The following ANKS1A variants were observed in gnomAD, a reference collection of about 807,000 sequenced individuals.
The protein encoded by ANKS1A is ankyrin repeat and SAM domain-containing protein 1A.
ANKS1A carries 55 observed loss-of-function variants against 120.3 expected under a neutral mutation model. The observed-to-expected ratio is 0.46, with a 90% CI of 0.37 to 0.57. ANKS1A has a LOEUF of 0.57. Among genes scored for constraint, ANKS1A ranks in the 20% least tolerant of loss-of-function variants. The pLI, the probability that ANKS1A is intolerant of heterozygous loss-of-function variation, is 0.00. For missense variants in ANKS1A, 1,123 were observed against 1,480.3 expected (o/e 0.76, Z 3.96); for synonymous variants, 590 against 604.7 (o/e 0.98, Z 0.36).
intron 1 of ANKS1A, among the ~76,000 whole-genome samples, chr6:34,941,514 C>T (rs1342967092): frequency 1.3e-5 from 2 of 152,036 alleles, no homozygotes; most frequent in East Asian, 1.9e-4. Context: ...GCAATCCTCC[C>T]ACCTCGGCCT....
intron 11 of ANKS1A, among the ~76,000 whole-genome samples, chr6:35,045,806 G>C (rs1775693075): frequency 6.6e-6 from 1 of 152,212 alleles, no homozygotes; most frequent in Admixed American, 6.5e-5. Context: ...GTCAGCTAGT[G>C]CCTAGTGCAG....
At chr6:35,069,678 C>T (rs1252586684) in intron 13 of ANKS1A, among the ~76,000 whole-genome samples, 1 of 151,386 alleles carries the variant, frequency 6.6e-6, no homozygotes, top group Non-Finnish European at 1.5e-5. Context: ...ATAGCTGGAA[C>T]TACAGGTACA....
intron 13 of ANKS1A, among the ~76,000 whole-genome samples, chr6:35,068,741 C>G (rs959032462): frequency 6.6e-6 from 1 of 152,184 alleles, no homozygotes; most frequent in African/African-American, 2.4e-5. Flanking sequence ...ATAGCTCTGT[C>G]TCGTTTCTTC....
intron 16 of ANKS1A, 33 bp downstream of exon 16, chr6:35,079,961 T>A (rs778919975): frequency 1.3e-6 from 2 of 1,546,200 alleles, no homozygotes; most frequent in Non-Finnish European, 1.8e-6. Flanking sequence ...GGAATGTATG[T>A]TTGTTCCCTG....
chr6:35,018,190 A>C (rs1055809320), intron 11 of ANKS1A, 131 bp downstream of exon 11: 9 of 874,874 alleles, frequency 1.0e-5, no homozygotes, highest in Admixed American at 8.0e-5. Context: ...CTCCGTAACT[A>C]ATGTATTTCT....
intron 11 of ANKS1A, among the ~76,000 whole-genome samples, chr6:35,045,255 A>G (rs1775665335): frequency 6.6e-6 from 1 of 152,206 alleles, no homozygotes; most frequent in Non-Finnish European, 1.5e-5. Flanking sequence ...GCAGGGCTGC[A>G]CTCAGACCTC....
At position 35,060,145 on chromosome 6, in the gene ANKS1A, A is replaced by G; in HGVS notation, c.2078-2A>G. 6.2e-7 allele frequency: 1 copy of G among 1,612,496 alleles called. No individual in the cohort carries two copies. Among genetic ancestry groups the G allele is most frequent in the Non-Finnish European group, 8.5e-7 (1 of 1,179,248 alleles). On this transcript the variant is annotated splice_acceptor_variant, in intron 12 of 23. Transcript: ENST00000360359. LOFTEE classifies it high-confidence loss of function. The surrounding 1 kb of genome is among the most constrained non-coding windows in gnomAD (Gnocchi z 4.5). ...AGCGTCTGCCGATTCCTCTCTCATC[A>G]GGTTTACGGACGCTGGAGCAGAGTG...
At chr6:34,991,618 A>G (rs1225237109) in intron 9 of ANKS1A, among the ~76,000 whole-genome samples, 1 of 149,606 alleles carries the variant, frequency 6.7e-6, no homozygotes, top group African/African-American at 2.4e-5. Context: ...ATATACGTAT[A>G]TACACACACA....
chr6:34,992,683 G>A (rs1352658947), intron 9 of ANKS1A, among the ~76,000 whole-genome samples: 1 of 152,188 alleles, frequency 6.6e-6, no homozygotes, highest in East Asian at 1.9e-4. Context: ...CAAGAGGCAA[G>A]GAATAAGTAA....
intron 1 of ANKS1A, among the ~76,000 whole-genome samples, chr6:34,893,767 C>G (rs1455651675): frequency 1.3e-5 from 2 of 152,142 alleles, no homozygotes; most frequent in African/African-American, 4.8e-5. Flanking sequence ...TACCTCCCGG[C>G]TGTTTGAAGC....
Position 34,914,113 on chromosome 6 carries a change from G to A in ANKS1A, c.197+24514G>A, listed in dbSNP as rs540194788. On this transcript the variant is annotated intron_variant, in intron 1 of 23. Transcript: ENST00000360359. Reference sequence around the variant, plus strand: ...TGTTTTTGTATTTTTAGTAGAGACTGGGTTTCAACATGTTAGCCAGGATGG... The same window carrying A: ...TGTTTTTGTATTTTTAGTAGAGACTAGGTTTCAACATGTTAGCCAGGATGG... Among the ~76,000 whole-genome samples, 7 of 151,958 alleles carry A rather than the reference G, an allele frequency of 4.6e-5. No individual in the cohort carries two copies. The East Asian group carries it at 1.4e-3, about 30-fold the overall frequency.
In ANKS1A at chr6:35,089,984, G is replaced by A. The variant is rs1277523191; in HGVS notation, c.*1375G>A. ...GTGAATTTGAATTCTTTGTTGGTAT[G>A]TATGTGCAGGGAGTACTGTTAGGCA... On this transcript the variant is annotated 3_prime_UTR_variant, in exon 24 of 24. Transcript: ENST00000360359. 4.2e-6 allele frequency: 5 copies of A among 1,183,730 alleles called. No individual in the cohort carries two copies. Among genetic ancestry groups the A allele is most frequent in the Non-Finnish European group, 5.3e-6 (5 of 937,540 alleles). The allele number at this position is 1,183,730 out of a possible 1,614,324, so 73.3% of individuals were successfully genotyped here.
intron 11 of ANKS1A, chr6:35,038,331 C>G: frequency 2.2e-6 from 1 of 456,638 alleles, no homozygotes; most frequent in South Asian, 1.5e-5. Flanking sequence ...TGCATTCTTA[C>G]TGAGATAGTC....
intron 12 of ANKS1A, among the ~76,000 whole-genome samples, chr6:35,059,693 G>A (rs988916007): frequency 1.3e-5 from 2 of 152,214 alleles, no homozygotes; most frequent in African/African-American, 4.8e-5. Context: ...GAAGTTGCAT[G>A]GATGAGAGGA....
intron 10 of ANKS1A, among the ~76,000 whole-genome samples, chr6:35,009,658 T>C (rs2127551960): frequency 6.6e-6 from 1 of 151,964 alleles, no homozygotes; most frequent in South Asian, 2.1e-4. Context: ...ATCCCAGCAC[T>C]TTGGGAGGTT....
chr6:35,000,530 A>ATT (rs1773112183), intron 10 of ANKS1A, among the ~76,000 whole-genome samples: 1 of 152,072 alleles, frequency 6.6e-6, no homozygotes. Context: ...ATGTAAAAAG[A>ATT]GTGTTATATA....
At chr6:35,024,836 C>T (rs1235555572) in intron 11 of ANKS1A, among the ~76,000 whole-genome samples, 1 of 152,110 alleles carries the variant, frequency 6.6e-6, no homozygotes, top group Non-Finnish European at 1.5e-5. Context: ...GTTAGGTGTG[C>T]AAAAAGAAGA....
At position 35,018,016 on chromosome 6, in the gene ANKS1A, A is replaced by G. The variant is rs1486750533; in HGVS notation, c.1967A>G (p.Lys656Arg). 1 of 1,614,088 alleles carries G rather than the reference A, an allele frequency of 6.2e-7. No individual in the cohort carries two copies. The highest frequency in any genetic ancestry group is 1.1e-5 in the South Asian group (1 of 91,080). ...ESLSNCSIGK[K>R]RLEKSPSFAS... ...TTATCCAACTGCAGCATTGGGAAGA[A>G]AAGGCTAGAGAAGTCACCCTCCTTC... is the stretch of plus-strand genomic sequence containing the variant. Residue 656 changes from lysine to arginine, a missense_variant, in exon 11 of 24, where the codon AAA becomes AGA. Physicochemically the swap from Lys to Arg is conservative, Grantham distance 26. This residue lies in a region of ANKS1A where 904 missense variants were observed against 1,130.4 expected (regional missense o/e 0.80). Transcript: ENST00000360359.
intron 1 of ANKS1A, among the ~76,000 whole-genome samples, chr6:34,926,082 G>A (rs1461869830): frequency 2.0e-5 from 3 of 152,178 alleles, no homozygotes; most frequent in Admixed American, 2.0e-4. Context: ...CCTGTCCTAG[G>A]CCAATGTGAA....
Sources: allele counts gnomAD v4.1 joint callset (sites outside exome capture counted in the v4.1 genomes callset), GRCh38; gene constraint gnomAD v4.1.1; regional missense constraint gnomAD v4.1.1; non-coding constraint Gnocchi (gnomAD v3.1); transcripts MANE v1.5; gene names NCBI Gene and HGNC (gene_info 2026-07-23, HGNC 2026-07-21).